Variants in FRRS1L observed in about 807,000 individuals in gnomAD.
The protein encoded by FRRS1L is DOMON domain-containing protein FRRS1L.
FRRS1L carries 22 observed loss-of-function variants against 28.6 expected under a neutral mutation model. The observed-to-expected ratio is 0.77, with a 90% CI of 0.55 to 1.10. The LOEUF (loss-of-function observed/expected upper bound fraction) is 1.10. Among genes scored for constraint, FRRS1L ranks in the 50% least tolerant of loss-of-function variants. The pLI is 0.00. For synonymous variants in FRRS1L, 158 were observed against 151.4 expected (o/e 1.04, Z -0.32); for missense variants, 380 against 386.9 (o/e 0.98, Z 0.15).
In FRRS1L at chr9:109,147,179, G is replaced by A. The variant is rs374551544; in HGVS notation, c.334C>T (p.Pro112Ser). The A allele has an allele frequency of 3.0e-5, 49 of 1,613,192 alleles. No homozygotes were observed. The highest frequency in any genetic ancestry group is 3.9e-5 in the Non-Finnish European group (46 of 1,179,328). ...KTKGCFRYGK[P>S]GCNAETCDYF... ...TCACAGGTCTCTGCATTACAGCCTG[G>A]TTTGCCATATCTAGAAGAGATATCG... The change falls in exon 3 of 5, where the codon CCA becomes TCA. Residue 112 changes from proline to serine, a missense_variant. Physicochemically the swap from Pro to Ser is moderately conservative, Grantham distance 74 (BLOSUM62 -1). Transcript: ENST00000561981.
rs748296431 is a variant in FRRS1L at position 109,147,200 on chromosome 9, T to A, written c.324-11A>T. The A allele has an allele frequency of 1.4e-5, 22 of 1,609,592 alleles. No homozygotes were observed. In the East Asian group the frequency reaches 4.9e-4, roughly 36 times the overall value. ...CCTGGTTTGCCATATCTAGAAGAGATATCGAAAGAGACTTTACTGCTTCTA... is the reference window on the plus strand; with the variant it reads ...CCTGGTTTGCCATATCTAGAAGAGAAATCGAAAGAGACTTTACTGCTTCTA... On this transcript the variant is annotated splice_polypyrimidine_tract_variant and intron_variant, in intron 2 of 4. Coordinates refer to ENST00000561981, the MANE Select transcript of FRRS1L (RefSeq NM_014334.4).
intron 1 of FRRS1L, among the ~76,000 whole-genome samples, chr9:109,165,117 G>A (rs1031870796): frequency 2.0e-5 from 3 of 152,240 alleles, no homozygotes; most frequent in African/African-American, 7.2e-5. Flanking sequence ...GCTGTGTACA[G>A]TGTAAAGATA....
rs878853282 is a variant in FRRS1L at position 109,141,465 on chromosome 9, ACTC to A, written c.584_586del (p.Gly195del). On this transcript the variant is annotated inframe_deletion, in exon 4 of 5. Coordinates refer to ENST00000561981, the MANE Select transcript of FRRS1L (RefSeq NM_014334.4). ...GCAGGTGACGCGATTGTTCTCAAAA[ACTC>A]CTTCTTCATCTCTGGCAGGGTTTCT... The A allele has an allele frequency of 3.7e-5, 59 of 1,613,162 alleles. No individual in the cohort carries two copies. In the Admixed American group the frequency reaches 7.8e-4, roughly 21 times the overall value.
chr9:109,141,772 G>C (rs1239628491), intron 3 of FRRS1L, among the ~76,000 whole-genome samples, 183 bp from the exon 4 acceptor site: 2 of 152,098 alleles, frequency 1.3e-5, no homozygotes, highest in Admixed American at 1.3e-4. Context: ...GACATTCAGT[G>C]CCTCCTGACT....
intron 4 of FRRS1L, chr9:109,138,436 G>A (rs1325980471): frequency 1.3e-5 from 2 of 152,304 alleles, no homozygotes; most frequent in South Asian, 2.1e-4. Flanking sequence ...TATACATTCA[G>A]TGCAAAGGTC....
At chr9:109,165,778 G>A (rs995112786) in intron 1 of FRRS1L, among the ~76,000 whole-genome samples, 9 of 152,294 alleles carry the variant, frequency 5.9e-5, no homozygotes, top group African/African-American at 1.9e-4. Context: ...CCTTTATAAA[G>A]TAGTCAGTGA....
intron 1 of FRRS1L, among the ~76,000 whole-genome samples, chr9:109,154,046 C>A (rs1026162249): frequency 6.6e-6 from 1 of 151,918 alleles, no homozygotes; most frequent in South Asian, 2.1e-4. Context: ...TAAGCAAGTT[C>A]TCAGCAACTC....
At chr9:109,147,016 G>T in intron 3 of FRRS1L, 35 bp downstream of exon 3, 1 of 1,602,152 alleles carries the variant, frequency 6.2e-7, no homozygotes, top group South Asian at 1.1e-5. Context: ...CAACTAAAGA[G>T]AAAAAATCAG....
rs912167041 is a variant in FRRS1L at position 109,133,431 on chromosome 9, G to T, written c.*4024C>A. The T allele has an allele frequency of 1.3e-5, 2 of 152,130 alleles. No homozygotes were observed. The highest frequency in any genetic ancestry group is 2.9e-5 in the Non-Finnish European group (2 of 68,020). The allele number at this position is 152,130 out of a possible 1,614,324, so 9.4% of individuals were successfully genotyped here. A position where few individuals can be genotyped will look rare whatever the true frequency, so the allele number is the denominator to read the frequency against. ...AATTAATTGTAAATTACTAAATGGGGGAAAAAAGGCACCTAGCTAATTGGA... is the reference window on the plus strand; with the variant it reads ...AATTAATTGTAAATTACTAAATGGGTGAAAAAAGGCACCTAGCTAATTGGA... On this transcript the variant is annotated 3_prime_UTR_variant, in exon 5 of 5. Coordinates refer to ENST00000561981, the MANE Select transcript of FRRS1L (RefSeq NM_014334.4).
chr9:109,153,618 T>A (rs1182132204), intron 1 of FRRS1L, among the ~76,000 whole-genome samples: 1 of 152,106 alleles, frequency 6.6e-6, no homozygotes, highest in Non-Finnish European at 1.5e-5. Context: ...GAAGCTGAAG[T>A]GGGAAGCTTC....
In FRRS1L at chr9:109,137,541, A is replaced by T; in HGVS notation, c.796T>A (p.Ser266Thr). 6.2e-7 allele frequency: 1 copy of T among 1,613,628 alleles called. No individual in the cohort carries two copies. The highest frequency in any genetic ancestry group is 1.1e-5 in the South Asian group (1 of 91,026). ...GATGAGAAGGTTTGATAGGCAGCTGATGGCATAAAAATGTCTTCATACTTG... is the reference window on the plus strand; with the variant it reads ...GATGAGAAGGTTTGATAGGCAGCTGTTGGCATAAAAATGTCTTCATACTTG... Reference protein sequence around the residue: ...IYKYEDIFMPSAAYQTFSSPF... With the variant: ...IYKYEDIFMPTAAYQTFSSPF... Residue 266 changes from serine (S) to threonine (T), a missense_variant, in exon 5 of 5, where the codon TCA becomes ACA. Transcript: ENST00000561981.
Position 109,135,365 on chromosome 9 carries a change from C to T in FRRS1L, c.*2090G>A, listed in dbSNP as rs1424734689. The T allele has an allele frequency of 6.6e-6, 1 of 152,228 alleles. No homozygotes were observed. Among genetic ancestry groups the T allele is most frequent in the African/African-American group, 2.4e-5 (1 of 41,454 alleles). The allele number at this position is 152,228 out of a possible 1,614,324, so 9.4% of individuals were successfully genotyped here. Reference sequence around the variant, plus strand: ...TAGCACAGACATTTGGAACAAAGAACAAAGGAGTCCTTTGGGGCGCCTAAT... The same window carrying T: ...TAGCACAGACATTTGGAACAAAGAATAAAGGAGTCCTTTGGGGCGCCTAAT... On this transcript the variant is annotated 3_prime_UTR_variant, in exon 5 of 5. Coordinates refer to ENST00000561981, the MANE Select transcript of FRRS1L (RefSeq NM_014334.4).
At chr9:109,155,626 C>A (rs190994687) in intron 1 of FRRS1L, among the ~76,000 whole-genome samples, 3 of 149,922 alleles carry the variant, frequency 2.0e-5, no homozygotes, top group African/African-American at 7.4e-5. Flanking sequence ...ATTGCTTGAA[C>A]CTGGGAGGTG....
intron 3 of FRRS1L, among the ~76,000 whole-genome samples, chr9:109,144,764 A>T (rs138005287): frequency 0.012 from 1,876 of 151,062 alleles, 58 homozygotes; most frequent in African/African-American, 0.043. Context: ...GCTCGCTGCA[A>T]CCTCCGCCTC....
At position 109,149,699 on chromosome 9, in the gene FRRS1L, G is replaced by A. The variant is rs768169514; in HGVS notation, c.260C>T (p.Pro87Leu). 1 of 1,612,896 alleles carries A rather than the reference G, an allele frequency of 6.2e-7. No homozygotes were observed. The highest frequency in any genetic ancestry group is 8.5e-7 in the Non-Finnish European group (1 of 1,178,870). The change falls in exon 2 of 5, where the codon CCT becomes CTT. Residue 87 changes from proline to leucine, a missense_variant. Pro to Leu is a moderately conservative substitution (Grantham distance 98). Transcript: ENST00000561981. ...SEEGYPFPTA[P>L]PVDPFAKIKV... ...GATTTTGGCAAATGGATCCACAGGA[G>A]GAGCAGTAGGGAAGGGGTAACCTGG...
chr9:109,144,318 C>T (rs931268577), intron 3 of FRRS1L, among the ~76,000 whole-genome samples: 7 of 152,154 alleles, frequency 4.6e-5, no homozygotes, highest in East Asian at 3.8e-4. Flanking sequence ...TCTTTTCCTA[C>T]GACACACCTA....
At chr9:109,166,551 C>G (rs1425934951) in intron 1 of FRRS1L, among the ~76,000 whole-genome samples, 1 of 152,094 alleles carries the variant, frequency 6.6e-6, no homozygotes, top group Non-Finnish European at 1.5e-5. Context: ...TAACCCAACC[C>G]CAGGCGGCAA....
Position 109,131,924 on chromosome 9 carries a change from C to T in FRRS1L, c.*5531G>A, listed in dbSNP as rs1401653854. On this transcript the variant is annotated 3_prime_UTR_variant, in exon 5 of 5. Transcript: ENST00000561981. ...GATGCCACATCACATGTGTAAAACA[C>T]TCCCATGGTGCAGCAGATTTTGATA... 6.7e-6 allele frequency: 1 copy of T among 148,794 alleles called. No individual in the cohort carries two copies. The highest frequency in any genetic ancestry group is 1.5e-5 in the Non-Finnish European group (1 of 66,092). 9.2% of individuals were successfully genotyped at this position (148,794 alleles called of 1,614,324 possible). A position where few individuals can be genotyped will look rare whatever the true frequency, so the allele number is the denominator to read the frequency against.
chr9:109,132,872 A>G lies in FRRS1L; in HGVS notation c.*4583T>C, dbSNP rs1156373782. 1.3e-5 allele frequency: 2 copies of G among 152,260 alleles called. No homozygotes were observed. The highest frequency in any genetic ancestry group is 6.5e-5 in the Admixed American group (1 of 15,290). The allele number at this position is 152,260 out of a possible 1,614,324, so 9.4% of individuals were successfully genotyped here. A position where few individuals can be genotyped will look rare whatever the true frequency, so the allele number is the denominator to read the frequency against. ...TGTATTGTTTATAGCAGAGCCAAAC[A>G]GAGACTGAAAAGCCAAAAAACTACT... On this transcript the variant is annotated 3_prime_UTR_variant, in exon 5 of 5. Transcript: ENST00000561981.
Sources: allele counts gnomAD v4.1 joint callset (sites outside exome capture counted in the v4.1 genomes callset), GRCh38; gene constraint gnomAD v4.1.1; transcripts MANE v1.5; gene names NCBI Gene and HGNC (gene_info 2026-07-23, HGNC 2026-07-21).